Variants in VMA21 observed in about 807,000 individuals in gnomAD.
VMA21 encodes the protein vacuolar ATPase assembly factor VMA21.
For synonymous variants in VMA21, 47 were observed against 34.1 expected, an observed-to-expected ratio of 1.38 and a Z score of -1.32; for missense variants, 61 against 80.6, an observed-to-expected ratio of 0.76 and a Z score of 0.93.
At chrX:151,397,103 T>TCGCTGCGG (rs1556034171), upstream of VMA21, 5 of 356,042 alleles carry the variant, frequency 1.4e-5, no homozygotes, top group African/African-American at 1.5e-4. Flanking sequence ...CAGCCCTGCG[T>TCGCTGCGG]CGCTGCGGCG....
chrX:151,399,835 T>A (rs377034113), intron 1 of VMA21, among the ~76,000 whole-genome samples: 32 of 111,873 alleles, frequency 2.9e-4, no homozygotes, highest in African/African-American at 1.0e-3. Context: ...GAGCATGTGA[T>A]CAAGAAATAG....
intron 1 of VMA21, among the ~76,000 whole-genome samples, chrX:151,399,012 C>A (rs1039445847): frequency 2.7e-5 from 3 of 112,587 alleles, no homozygotes; most frequent in African/African-American, 9.7e-5. Flanking sequence ...TGATTTTACC[C>A]AAGGTGGCTT....
intron 1 of VMA21, among the ~76,000 whole-genome samples, 167 bp downstream of exon 1, chrX:151,397,528 C>T (rs895933377): frequency 1.8e-5 from 2 of 112,650 alleles, no homozygotes; most frequent in African/African-American, 6.4e-5. Flanking sequence ...GTCTAAACTC[C>T]CGGCCCCGAA....
Position 151,405,176 on chromosome X carries a change from C to G in VMA21, c.*118C>G. 1 of 846,642 alleles carries G rather than the reference C, an allele frequency of 1.2e-6. No individual in the cohort carries two copies. The highest frequency in any genetic ancestry group is 1.7e-6 in the Non-Finnish European group (1 of 603,936). The allele number at this position is 846,642 out of a possible 1,213,427, so 69.8% of individuals were successfully genotyped here. Reference sequence around the variant, plus strand: ...TGTTAAAGTCAGTCTTAAGGAGTCACGTTTGAGTATGTAAATTTTGATCTT... The same window carrying G: ...TGTTAAAGTCAGTCTTAAGGAGTCAGGTTTGAGTATGTAAATTTTGATCTT... On this transcript the variant is annotated 3_prime_UTR_variant, in exon 3 of 3. Transcript: ENST00000330374.
rs777703288 is a variant in VMA21, at chrX:151,397,365, G to T, written c.53+4G>T. 44 of 1,161,511 alleles carry T rather than the reference G, an allele frequency of 3.8e-5. No homozygotes were observed. The highest frequency in any genetic ancestry group is 4.4e-5 in the Non-Finnish European group (38 of 872,392). On this transcript the variant is annotated splice_donor_region_variant and intron_variant, in intron 1 of 2. Coordinates refer to ENST00000330374, the MANE Select transcript of VMA21 (RefSeq NM_001017980.4). ...CACTGCAGCCTCCTGAGTTCAGGTA[G>T]CCCTGAGCGGGGCCTGGACCGCGAG...
In VMA21 at chrX:151,405,112, T is replaced by A; in HGVS notation, c.*54T>A. 8.5e-7 allele frequency: 1 copy of A among 1,169,922 alleles called. No individual in the cohort carries two copies. The highest frequency in any genetic ancestry group is 1.8e-5 in the South Asian group (1 of 55,408). On this transcript the variant is annotated 3_prime_UTR_variant, in exon 3 of 3. Transcript: ENST00000330374. Reference sequence around the variant, plus strand: ...ATTCATTTTTTAAAATGATAAATGCTGGAGGGGGCCATCTGATTTGAATAA... The same window carrying A: ...ATTCATTTTTTAAAATGATAAATGCAGGAGGGGGCCATCTGATTTGAATAA...
intron 1 of VMA21, among the ~76,000 whole-genome samples, chrX:151,401,644 C>T (rs1381295464): frequency 1.8e-5 from 2 of 112,305 alleles, no homozygotes; most frequent in Non-Finnish European, 3.8e-5. Flanking sequence ...AATCCATGAA[C>T]ACAGGATATC....
At chrX:151,397,662 G>A (rs1204191163) in intron 1 of VMA21, among the ~76,000 whole-genome samples, 1 of 112,700 alleles carries the variant, frequency 8.9e-6, no homozygotes, top group Non-Finnish European at 1.9e-5. Flanking sequence ...TTACCGCAGG[G>A]TCAGCCTTCT....
intron 1 of VMA21, among the ~76,000 whole-genome samples, chrX:151,400,198 C>T (rs1462235761): frequency 1.8e-5 from 2 of 109,239 alleles, no homozygotes; most frequent in African/African-American, 6.7e-5. Context: ...CCCCTCCAGC[C>T]TCCCACCCCC....
Position 151,407,821 on chromosome X carries a change from T to TA in VMA21, c.*2768dup, listed in dbSNP as rs922419990. ...GTGAAAAAAAATTTAAACCTGCCATTAAAAATCCCCATGTTTCATGGAAAT... is the reference window on the plus strand; with the variant it reads ...GTGAAAAAAAATTTAAACCTGCCATTAAAAAATCCCCATGTTTCATGGAAAT... On this transcript the variant is annotated 3_prime_UTR_variant, in exon 3 of 3. Transcript: ENST00000330374. The TA allele has an allele frequency of 2.7e-5, 3 of 112,279 alleles. No homozygotes were observed. The highest frequency in any genetic ancestry group is 9.7e-5 in the African/African-American group (3 of 30,928). 9.3% of individuals were successfully genotyped at this position (112,279 alleles called of 1,213,427 possible). A position where few individuals can be genotyped will look rare whatever the true frequency, so the allele number is the denominator to read the frequency against.
At chrX:151,400,535 G>A (rs878870753) in intron 1 of VMA21, among the ~76,000 whole-genome samples, 1 of 111,855 alleles carries the variant, frequency 8.9e-6, no homozygotes, top group Non-Finnish European at 1.9e-5. Context: ...ATATTTTTAC[G>A]AGGTAGTGAT....
Position 151,406,436 on chromosome X carries a change from G to A in VMA21, c.*1378G>A, listed in dbSNP as rs914708389. On this transcript the variant is annotated 3_prime_UTR_variant, in exon 3 of 3. Coordinates refer to ENST00000330374, the MANE Select transcript of VMA21 (RefSeq NM_001017980.4). Reference sequence around the variant, plus strand: ...CTGTTGCCCAGGCTGGAGTGCAGTGGTGCAATCTCGGCTCACTGCAACCTC... The same window carrying A: ...CTGTTGCCCAGGCTGGAGTGCAGTGATGCAATCTCGGCTCACTGCAACCTC... 2 of 110,989 alleles carry A rather than the reference G, an allele frequency of 1.8e-5. No homozygotes were observed. Among genetic ancestry groups the A allele is most frequent in the Non-Finnish European group, 3.8e-5 (2 of 52,997 alleles). 9.1% of individuals were successfully genotyped at this position (110,989 alleles called of 1,213,427 possible).
chrX:151,403,279 C>G (rs2011252683), intron 1 of VMA21, among the ~76,000 whole-genome samples: 1 of 112,230 alleles, frequency 8.9e-6, no homozygotes, highest in South Asian at 3.7e-4. Context: ...GTGCCGCTGT[C>G]CGCCGTGGCT....
upstream of VMA21, chrX:151,396,988 G>T (rs1451601556): frequency 1.2e-5 from 6 of 519,794 alleles, no homozygotes; most frequent in African/African-American, 1.2e-4. Flanking sequence ...GAGTGGCTGG[G>T]CTACTCGCCA....
chrX:151,397,353 T>C lies in VMA21; in HGVS notation c.45T>C (p.Pro15=). The stretch of plus-strand genomic sequence containing the variant: ...CGGCGCTGAACGCACTGCAGCCTCC[T>C]GAGTTCAGGTAGCCCTGAGCGGGGC... ...DKAALNALQP[P]EFRNESSLAS... is the part of the protein sequence containing the mutation. The change falls in exon 1 of 3, where the codon CCT becomes CCC. Residue 15 remains proline (P), a synonymous_variant. Transcript: ENST00000330374. 1 of 1,162,288 alleles carries C rather than the reference T, an allele frequency of 8.6e-7. No individual in the cohort carries two copies. The highest frequency in any genetic ancestry group is 1.1e-6 in the Non-Finnish European group (1 of 872,564).
Position 151,404,883 on chromosome X carries a change from A to AT in VMA21, c.164-32dup, listed in dbSNP as rs2124126626. ...TTTTTGTACTTTGGTAAATTTTGCAATAAAATGGAAACTGTTTTTTTTCTC... is the reference window on the plus strand; with the variant it reads ...TTTTTGTACTTTGGTAAATTTTGCAATTAAAATGGAAACTGTTTTTTTTCTC... On this transcript the variant is annotated intron_variant, in intron 2 of 2. Coordinates refer to ENST00000330374, the MANE Select transcript of VMA21 (RefSeq NM_001017980.4). 3 of 1,205,145 alleles carry AT rather than the reference A, an allele frequency of 2.5e-6. No individual in the cohort carries two copies. The East Asian group carries it at 8.9e-5, about 36-fold the overall frequency.
intron 1 of VMA21, among the ~76,000 whole-genome samples, chrX:151,402,569 C>G (rs1209851780): frequency 8.9e-6 from 1 of 112,993 alleles, no homozygotes; most frequent in East Asian, 2.8e-4. Context: ...AGTTTTCTTG[C>G]TGTGTCTGTC....
In VMA21 at chrX:151,404,941, C is replaced by G; in HGVS notation, c.189C>G (p.Asp63Glu). Residue 63 changes from aspartate to glutamate, a missense_variant, in exon 3 of 3, where the codon GAC becomes GAG. Physicochemically the swap from Asp to Glu is conservative, Grantham distance 45. Coordinates refer to ENST00000330374, the MANE Select transcript of VMA21 (RefSeq NM_001017980.4). ...FEGALGMSNR[D>E]SYFYAAIVAV... ...GCGCCCTTGGGATGTCCAATAGGGACAGCTATTTTTACGCTGCTATTGTTG... is the reference window on the plus strand; with the variant it reads ...GCGCCCTTGGGATGTCCAATAGGGAGAGCTATTTTTACGCTGCTATTGTTG... The G allele has an allele frequency of 8.3e-7, 1 of 1,209,122 alleles. No homozygotes were observed. The highest frequency in any genetic ancestry group is 1.1e-6 in the Non-Finnish European group (1 of 894,908).
Position 151,403,716 on chromosome X carries a change from A to G in VMA21, c.139A>G (p.Thr47Ala). ...CACTGTTCCTATTGGGTTATATTTC[A>G]CAACTAAATCTTACATATTTGAAGG... ...MITVPIGLYF[T>A]TKSYIFEGAL... The change falls in exon 2 of 3, where the codon ACA (threonine) becomes GCA (alanine). Residue 47 changes from threonine to alanine, a missense_variant. By Grantham distance (58) the Thr-to-Ala change is moderately conservative. Coordinates refer to ENST00000330374, the MANE Select transcript of VMA21 (RefSeq NM_001017980.4). 1.7e-6 allele frequency: 2 copies of G among 1,202,941 alleles called. No individual in the cohort carries two copies. The highest frequency in any genetic ancestry group is 2.3e-6 in the Non-Finnish European group (2 of 887,394).
Sources: allele counts gnomAD v4.1 joint callset (sites outside exome capture counted in the v4.1 genomes callset), GRCh38; gene constraint gnomAD v4.1.1; transcripts MANE v1.5; gene names NCBI Gene and HGNC (gene_info 2026-07-23, HGNC 2026-07-21).